Variants in FTO observed in about 807,000 individuals in gnomAD.
FTO encodes the protein FTO alpha-ketoglutarate dependent dioxygenase.
Under a neutral mutation model 63.9 loss-of-function variants are expected in FTO, and 47 were observed. The ratio of observed to expected loss-of-function variants is 0.74; its 90% CI spans 0.58 to 0.94. The LOEUF (loss-of-function observed/expected upper bound fraction) is 0.94, where lower values mean the gene tolerates loss of function less well. Among genes scored for constraint, FTO ranks in the 40% least tolerant of loss-of-function variants. The probability of loss-of-function intolerance (pLI) is 0.00; values close to 1 mark genes in which losing one functional copy is unlikely to be tolerated. For missense variants in FTO, 562 were observed against 618.1 expected, an observed-to-expected ratio of 0.91 and a Z score of 0.96; for synonymous variants, 207 against 224.4, an observed-to-expected ratio of 0.92 and a Z score of 0.69.
chr16:53,769,509 T>C (rs935969211), intron 1 of FTO, among the ~76,000 whole-genome samples: 3 of 152,164 alleles, frequency 2.0e-5, no homozygotes, highest in African/African-American at 7.2e-5. Flanking sequence ...CAGAACTTAG[T>C]ATATAGCAAC....
rs941300321 is a variant in FTO, at chr16:53,911,464, G to A, written c.1239+22513G>A. The A allele has an allele frequency of 1.3e-5, 9 of 702,992 alleles. No individual in the cohort carries two copies. The African/African-American group carries it at 1.6e-4, about 12-fold the overall frequency. The allele number at this position is 702,992 out of a possible 1,614,324, so 43.5% of individuals were successfully genotyped here. ...GTGGCCATACCGTTGCATTCATCAT[G>A]GGAAGAATTTCAGTAGAATGGTAAG... is the stretch of plus-strand genomic sequence containing the variant. On this transcript the variant is annotated intron_variant, in intron 7 of 8. Coordinates refer to ENST00000471389, the MANE Select transcript of FTO (RefSeq NM_001080432.3).
intron 8 of FTO, among the ~76,000 whole-genome samples, chr16:53,996,167 A>T (rs1223607763): frequency 6.6e-6 from 1 of 152,144 alleles, no homozygotes; most frequent in Non-Finnish European, 1.5e-5. Context: ...GAAACCTCCC[A>T]TTTCCAGACT....
At chr16:53,992,816 A>G (rs549404161) in intron 8 of FTO, 1 of 152,338 alleles carries the variant, frequency 6.6e-6, no homozygotes, top group Non-Finnish European at 1.5e-5. Flanking sequence ...AAACAAGAAC[A>G]TAGCCTAATA....
intron 3 of FTO, among the ~76,000 whole-genome samples, chr16:53,842,558 G>A (rs2079506665): frequency 6.6e-6 from 1 of 151,996 alleles, no homozygotes; most frequent in African/African-American, 2.4e-5. Flanking sequence ...TTCCAGAAAT[G>A]TTGTATTCCA....
At chr16:54,035,231 C>T (rs1477611913) in intron 8 of FTO, among the ~76,000 whole-genome samples, 2 of 152,214 alleles carry the variant, frequency 1.3e-5, no homozygotes. Flanking sequence ...ACTAAAGCAT[C>T]AAGAAAACAG....
intron 1 of FTO, among the ~76,000 whole-genome samples, chr16:53,738,844 A>C (rs1434324809): frequency 6.6e-6 from 1 of 152,058 alleles, no homozygotes; most frequent in African/African-American, 2.4e-5. Context: ...CCTATTTAAA[A>C]AAAATTTTTT....
At chr16:53,785,914 G>GAAAA (rs764170371) in intron 1 of FTO, among the ~76,000 whole-genome samples, 6 of 102,322 alleles carry the variant, frequency 5.9e-5, no homozygotes, top group Non-Finnish European at 5.6e-5. Context: ...ATCTCAAAAA[G>GAAAA]AAAAAAAAAA....
intron 4 of FTO, among the ~76,000 whole-genome samples, chr16:53,872,578 A>G (rs1053688971): frequency 5.3e-5 from 8 of 152,196 alleles, no homozygotes; most frequent in Admixed American, 2.6e-4. Flanking sequence ...TATCTTGCTG[A>G]AACCTTTGAT....
intron 2 of FTO, among the ~76,000 whole-genome samples, chr16:53,822,021 G>C (rs964684072): frequency 2.0e-5 from 3 of 152,130 alleles, no homozygotes; most frequent in Non-Finnish European, 4.4e-5. Flanking sequence ...GGCTGGAAGG[G>C]ATGGCCATCA....
intron 1 of FTO, among the ~76,000 whole-genome samples, chr16:53,796,475 G>A (rs2078074898): frequency 1.3e-5 from 2 of 152,134 alleles, no homozygotes; most frequent in South Asian, 4.1e-4. Flanking sequence ...TAAAACTCTG[G>A]AGAATGATGA....
At position 53,743,429 on chromosome 16, in the gene FTO, C is replaced by T. The variant is rs78248593; in HGVS notation, c.45+39200C>T. ...CTGATGATTGCAGTTACCTTTTCAT[C>T]CTTTACTTTCCACTCCTGTTCCTCC... is the stretch of plus-strand genomic sequence containing the variant. On this transcript the variant is annotated intron_variant, in intron 1 of 8. Coordinates refer to ENST00000471389, the MANE Select transcript of FTO (RefSeq NM_001080432.3). Among the ~76,000 whole-genome samples the T allele has an allele frequency of 7.8e-3, 1,184 of 151,720 alleles. 15 individuals are homozygous for T. Among genetic ancestry groups the T allele is most frequent in the East Asian group, 0.039 (201 of 5,152 alleles).
intron 1 of FTO, among the ~76,000 whole-genome samples, chr16:53,763,139 A>G (rs1030548363): frequency 2.6e-5 from 4 of 152,226 alleles, no homozygotes; most frequent in African/African-American, 9.6e-5. Context: ...GAAGATGTTT[A>G]TCCCGGCTAA....
At chr16:53,983,643 G>C (rs1392898159) in intron 8 of FTO, among the ~76,000 whole-genome samples, 5 of 152,046 alleles carry the variant, frequency 3.3e-5, no homozygotes, top group Non-Finnish European at 7.4e-5. Context: ...GGTAAGCTCA[G>C]ATCTCTGCAG....
At chr16:53,994,448 A>G (rs373607436) in intron 8 of FTO, 8 of 151,842 alleles carry the variant, frequency 5.3e-5, no homozygotes, top group African/African-American at 1.9e-4. Flanking sequence ...GTGGCCTCCA[A>G]CTCCTGAGCT....
At chr16:53,985,893 G>C (rs894687018) in intron 8 of FTO, among the ~76,000 whole-genome samples, 8 of 152,202 alleles carry the variant, frequency 5.3e-5, no homozygotes, top group Admixed American at 1.3e-4. Context: ...AAGTTCTATG[G>C]CTTAAAGAGT....
chr16:53,909,626 C>T (rs2081633388), intron 7 of FTO, among the ~76,000 whole-genome samples: 1 of 133,762 alleles, frequency 7.5e-6, no homozygotes, highest in Middle Eastern at 4.5e-3. Context: ...TGCAGTGGTG[C>T]AATCATGGCT....
rs544938310 is a variant in FTO at position 53,776,594 on chromosome 16, A to G, written c.46-33546A>G. 7.9e-5 allele frequency among the ~76,000 whole-genome samples: 12 copies of G among 152,310 alleles called. No individual in the cohort carries two copies. In the East Asian group the frequency reaches 2.1e-3, roughly 27 times the overall value. On this transcript the variant is annotated intron_variant, in intron 1 of 8. Transcript: ENST00000471389. ...TGGGAACTAAAACAGGAACTTTTAA[A>G]AGCCTTTATTGATTTAAAAATAGCA...
At chr16:54,018,429 C>G (rs1415158756) in intron 8 of FTO, among the ~76,000 whole-genome samples, 4 of 145,814 alleles carry the variant, frequency 2.7e-5, no homozygotes, top group Non-Finnish European at 6.2e-5. Context: ...TACATACATA[C>G]ATACATACAT....
chr16:53,808,377 T>C (rs2078427362), intron 1 of FTO, among the ~76,000 whole-genome samples: 1 of 152,122 alleles, frequency 6.6e-6, no homozygotes, highest in Non-Finnish European at 1.5e-5. Context: ...AAGTCAACCT[T>C]TTCGTTGTAA....
Sources: gnomAD v4.1 joint callset for allele counts (sites outside exome capture counted in the v4.1 genomes callset) on GRCh38, gnomAD v4.1.1 for gene constraint, MANE v1.5 for transcripts, NCBI Gene and HGNC (gene_info 2026-07-23, HGNC 2026-07-21) for gene names.